RUFY1: variants seen among roughly 807,000 people sequenced by gnomAD.
RUFY1 encodes the protein RUN and FYVE domain containing 1, also known as RUN and FYVE domain-containing protein 1.
RUFY1 carries 54 observed loss-of-function variants against 94.6 expected under a neutral mutation model. The observed-to-expected ratio is 0.57, with a 90% CI of 0.46 to 0.72. The LOEUF is 0.72. RUFY1 is among the 30% of genes least tolerant of loss of function. The pLI is 0.00. For synonymous variants in RUFY1, 396 were observed against 347.3 expected (o/e 1.14, Z -1.56); for missense variants, 883 against 883.9 (o/e 1.00, Z 0.01).
At chr5:179,569,212 G>T in intron 4 of RUFY1, 90 bp from the exon 5 acceptor site, 1 of 1,600,434 alleles carries the variant, frequency 6.2e-7, no homozygotes. Flanking sequence ...TGGCTCCAGG[G>T]CACAGGTGAA....
intron 4 of RUFY1, among the ~76,000 whole-genome samples, chr5:179,568,482 C>T (rs1762995302): frequency 6.6e-6 from 1 of 152,072 alleles, no homozygotes; most frequent in Admixed American, 6.6e-5. Context: ...GGCTCATTGT[C>T]GAACATATCT....
chr5:179,558,437 T>C (rs944949228), intron 1 of RUFY1, among the ~76,000 whole-genome samples: 2 of 152,222 alleles, frequency 1.3e-5, no homozygotes, highest in South Asian at 2.1e-4. Flanking sequence ...CCAGGCGTGG[T>C]GGCGCATGCC....
At chr5:179,554,002 G>C (rs10479541) in intron 1 of RUFY1, among the ~76,000 whole-genome samples, 49,266 of 151,842 alleles carry the variant, frequency 0.32, 8,469 homozygotes, top group East Asian at 0.64. Flanking sequence ...GCTCTGCAGC[G>C]ACACAAGAAA....
chr5:179,598,555 G>C, intron 13 of RUFY1, 137 bp from the exon 14 acceptor site: 1 of 951,270 alleles, frequency 1.1e-6, no homozygotes, highest in Non-Finnish European at 1.6e-6. Flanking sequence ...CTGGAGGAGA[G>C]GGAAGCGTTG....
intron 7 of RUFY1, among the ~76,000 whole-genome samples, chr5:179,582,092 T>C (rs747076913): frequency 6.6e-6 from 1 of 152,188 alleles, no homozygotes; most frequent in Non-Finnish European, 1.5e-5. Context: ...TTTTAGAAAA[T>C]ACCTTTTAGT....
intron 5 of RUFY1, among the ~76,000 whole-genome samples, chr5:179,570,349 A>G (rs1293648733): frequency 6.6e-6 from 1 of 152,208 alleles, no homozygotes; most frequent in Non-Finnish European, 1.5e-5. Context: ...CCTTGAGGAG[A>G]CTAGTCTAGA....
chr5:179,571,986 A>G (rs984898235), intron 5 of RUFY1, among the ~76,000 whole-genome samples: 1 of 151,842 alleles, frequency 6.6e-6, no homozygotes, highest in Non-Finnish European at 1.5e-5. Context: ...AGTTTTTGGC[A>G]ACCAGATTTA....
intron 8 of RUFY1, among the ~76,000 whole-genome samples, chr5:179,588,433 G>A (rs1201555195): frequency 6.6e-6 from 1 of 152,170 alleles, no homozygotes; most frequent in Non-Finnish European, 1.5e-5. Flanking sequence ...CTTGCCTCTT[G>A]TGACAGCCTC....
At chr5:179,608,502 C>T (rs1767345900) in intron 17 of RUFY1, 2 of 985,428 alleles carry the variant, frequency 2.0e-6, no homozygotes, top group African/African-American at 1.7e-5. Flanking sequence ...ACCCAGGGAA[C>T]CTGTTTAGAA....
At chr5:179,571,686 G>A (rs143437987) in intron 5 of RUFY1, among the ~76,000 whole-genome samples, 1,747 of 152,258 alleles carry the variant, frequency 0.011, 12 homozygotes, top group Non-Finnish European at 0.02. Flanking sequence ...AGCAGTGTGG[G>A]AGAGAACACA....
In RUFY1 at chr5:179,608,458, C is replaced by T. The variant is rs78219299; in HGVS notation, c.1983+799C>T. ...CCATCTGTGGAGTCAGAAGCAGAGG[C>T]TGCACAGGTGCTCATCTTGATGTCT... On this transcript the variant is annotated intron_variant, in intron 17 of 17. Coordinates refer to ENST00000319449, the MANE Select transcript of RUFY1 (RefSeq NM_025158.5). The T allele has an allele frequency of 2.7e-3, 2,707 of 985,520 alleles. 52 individuals carry two copies. In the African/African-American group the frequency reaches 0.043, roughly 16 times the overall value. 61.0% of individuals were successfully genotyped at this position (985,520 alleles called of 1,614,324 possible).
intron 8 of RUFY1, 71 bp from the exon 9 acceptor site, chr5:179,589,475 A>G (rs1217818018): frequency 9.8e-7 from 1 of 1,018,824 alleles, no homozygotes; most frequent in African/African-American, 1.6e-5. Flanking sequence ...GAAGATGCCA[A>G]ATTAATGTTT....
chr5:179,550,676 T>G lies in RUFY1; in HGVS notation c.107T>G (p.Phe36Cys). 6.7e-7 allele frequency: 1 copy of G among 1,497,368 alleles called. No individual in the cohort carries two copies. The highest frequency in any genetic ancestry group is 1.2e-5 in the South Asian group (1 of 80,628). 92.8% of individuals were successfully genotyped at this position (1,497,368 alleles called of 1,614,324 possible). Residue 36 changes from phenylalanine (F) to cysteine (C), a missense_variant, in exon 1 of 18, where the codon TTT becomes TGT. Phe to Cys is a radical substitution (Grantham distance 205). Coordinates refer to ENST00000319449, the MANE Select transcript of RUFY1 (RefSeq NM_025158.5). Reference protein sequence around the residue: ...PGSALEPGEEFEIVDRSQLPG... With the variant: ...PGSALEPGEECEIVDRSQLPG... The stretch of plus-strand genomic sequence containing the variant: ...TCAGCGCTTGAGCCGGGAGAAGAGT[T>G]TGAGATCGTGGACCGAAGCCAGCTG...
intron 2 of RUFY1, among the ~76,000 whole-genome samples, chr5:179,561,232 T>C (rs1178806710): frequency 1.5e-5 from 2 of 133,798 alleles, no homozygotes; most frequent in African/African-American, 5.1e-5. Flanking sequence ...AATAAATAAA[T>C]TAATTAATTA....
At chr5:179,587,382 C>CTTTCT (rs1554120678) in intron 8 of RUFY1, among the ~76,000 whole-genome samples, 2,975 of 136,708 alleles carry the variant, frequency 0.022, 188 homozygotes, top group African/African-American at 0.08. Context: ...TTCTTTCTTT[C>CTTTCT]TTTTTTTTTT....
At chr5:179,605,826 GAGCCTCA>G in intron 15 of RUFY1, 43 bp from the exon 16 acceptor site, 2 of 1,222,828 alleles carry the variant, frequency 1.6e-6, no homozygotes, top group Non-Finnish European at 2.4e-6. Flanking sequence ...TAGGGATTCA[GAGCCTCA>G]CTCTCTCTCA....
chr5:179,603,324 T>G (rs1276374310), intron 15 of RUFY1, among the ~76,000 whole-genome samples: 1 of 151,534 alleles, frequency 6.6e-6, no homozygotes, highest in African/African-American at 2.4e-5. Flanking sequence ...GAATGCGGTC[T>G]GCCCACTCCC....
At chr5:179,581,617 G>C (rs1477468678) in intron 7 of RUFY1, among the ~76,000 whole-genome samples, 1 of 151,918 alleles carries the variant, frequency 6.6e-6, no homozygotes, top group Non-Finnish European at 1.5e-5. Flanking sequence ...CCAAAAGCCA[G>C]GTGAAGAAGC....
chr5:179,579,607 C>T (rs1389446889), intron 6 of RUFY1, among the ~76,000 whole-genome samples: 3 of 148,398 alleles, frequency 2.0e-5, no homozygotes, highest in African/African-American at 4.9e-5. Context: ...ACTGGGATTA[C>T]AGGCATGAGC....
Sources: allele counts gnomAD v4.1 joint callset (sites outside exome capture counted in the v4.1 genomes callset), GRCh38; gene constraint gnomAD v4.1.1; transcripts MANE v1.5; gene names NCBI Gene and HGNC (gene_info 2026-07-23, HGNC 2026-07-21).